The following GALNT11 variants were observed in gnomAD, a reference collection of about 807,000 sequenced individuals.
GALNT11 encodes the protein polypeptide N-acetylgalactosaminyltransferase 11.
A neutral mutation model predicts 72.7 loss-of-function variants in GALNT11; 47 were observed. The observed-to-expected ratio is 0.65, with a 90% CI of 0.51 to 0.82. The LOEUF (loss-of-function observed/expected upper bound fraction) is 0.82. Ranked by LOEUF, GALNT11 falls within the 40% of genes least tolerant of loss-of-function variation. The pLI is 0.00. For missense variants in GALNT11, 677 were observed against 778.4 expected (o/e 0.87, Z 1.55); for synonymous variants, 270 against 286.6 (o/e 0.94, Z 0.58).
rs184916570 is a variant in GALNT11 at position 152,066,085 on chromosome 7, C to T, written c.-38-28105C>T. ...AGGCCTTGAGCTGCGGTGGGCTCCACCCAGTTTGAGCTTCCTGGCTGCTTT... is the reference window on the plus strand; with the variant it reads ...AGGCCTTGAGCTGCGGTGGGCTCCATCCAGTTTGAGCTTCCTGGCTGCTTT... On this transcript the variant is annotated intron_variant, in intron 1 of 11. Coordinates refer to ENST00000430044, the MANE Select transcript of GALNT11 (RefSeq NM_022087.4). Among the ~76,000 whole-genome samples the T allele has an allele frequency of 6.7e-3, 1,015 of 152,356 alleles. 8 individuals are homozygous for T. The highest frequency in any genetic ancestry group is 0.011 in the Admixed American group (161 of 15,308).
chr7:152,115,724 A>G (rs2088772467), intron 8 of GALNT11, among the ~76,000 whole-genome samples: 1 of 152,248 alleles, frequency 6.6e-6, no homozygotes, highest in South Asian at 2.1e-4. Context: ...TGAAAAACTT[A>G]CATTTACCGC....
intron 1 of GALNT11, among the ~76,000 whole-genome samples, chr7:152,029,517 G>C (rs1409582396): frequency 5.9e-5 from 9 of 152,136 alleles, no homozygotes; most frequent in South Asian, 2.1e-4. Flanking sequence ...CTTTACTTTT[G>C]TTGAAAACCT....
At chr7:152,040,198 G>A (rs748389678) in intron 1 of GALNT11, among the ~76,000 whole-genome samples, 33 of 151,666 alleles carry the variant, frequency 2.2e-4, no homozygotes, top group Non-Finnish European at 3.1e-4. Flanking sequence ...AAGAGGTGAC[G>A]TTTAACACAA....
At position 152,094,617 on chromosome 7, in the gene GALNT11, A is replaced by AT; in HGVS notation, c.295+101dup. 2.2e-6 allele frequency: 3 copies of AT among 1,360,320 alleles called. No homozygotes were observed. Among genetic ancestry groups the AT allele is most frequent in the East Asian group, 2.4e-5 (1 of 41,360 alleles). 84.3% of individuals were successfully genotyped at this position (1,360,320 alleles called of 1,614,324 possible). On this transcript the variant is annotated intron_variant, in intron 2 of 11. Transcript: ENST00000430044. This position sits in a 1 kb window ranked among gnomAD's most constrained non-coding sequence, Gnocchi z 4.3. ...ATTAGGAGATCAGAAATGCTGCATCATTTTTTCCCCACTGATTTATTTTGT... is the reference window on the plus strand; with the variant it reads ...ATTAGGAGATCAGAAATGCTGCATCATTTTTTTCCCCACTGATTTATTTTGT...
chr7:152,044,181 A>AT (rs1320360255), intron 1 of GALNT11, among the ~76,000 whole-genome samples: 2 of 152,168 alleles, frequency 1.3e-5, no homozygotes, highest in African/African-American at 4.8e-5. Context: ...ATGAACAGAG[A>AT]TTTACCCACA....
At chr7:152,060,112 T>C (rs1367249988) in intron 1 of GALNT11, among the ~76,000 whole-genome samples, 1 of 152,228 alleles carries the variant, frequency 6.6e-6, no homozygotes, top group Non-Finnish European at 1.5e-5. Context: ...TTTTATGTTG[T>C]GGAGATGATA....
chr7:152,112,085 GCGA>G (rs1472389798), intron 7 of GALNT11, among the ~76,000 whole-genome samples: 2 of 135,434 alleles, frequency 1.5e-5, no homozygotes, highest in East Asian at 5.2e-4. Flanking sequence ...CAGAAAGAGG[GCGA>G]GGGGAGAGCT....
intron 8 of GALNT11, 61 bp from the exon 9 acceptor site, chr7:152,117,096 G>A (rs2088942082): frequency 7.1e-7 from 1 of 1,418,166 alleles, no homozygotes; most frequent in East Asian, 2.3e-5. Flanking sequence ...TCTCTATATA[G>A]TTGTATCATC....
rs551565126 is a variant in GALNT11 at position 152,054,876 on chromosome 7, G to A, written c.-39+28992G>A. ...TGCTATTGGAAAGGATGCTGTGTTT[G>A]TTAGGGTTCTCCAGAGAAACAGAAC... On this transcript the variant is annotated intron_variant, in intron 1 of 11. Coordinates refer to ENST00000430044, the MANE Select transcript of GALNT11 (RefSeq NM_022087.4). Among the ~76,000 whole-genome samples the A allele has an allele frequency of 1.6e-3, 247 of 152,246 alleles. 1 individual carries two copies. Among genetic ancestry groups the A allele is most frequent in the African/African-American group, 5.8e-3 (242 of 41,538 alleles).
At chr7:152,090,714 C>T (rs1295076778) in intron 1 of GALNT11, among the ~76,000 whole-genome samples, 1 of 132,552 alleles carries the variant, frequency 7.5e-6, no homozygotes, top group African/African-American at 2.8e-5. Context: ...ATTCAGTTTA[C>T]GTCTTGACAC....
chr7:152,089,525 G>A lies in GALNT11; in HGVS notation c.-38-4665G>A, dbSNP rs907367361. Among the ~76,000 whole-genome samples, 8 of 152,160 alleles carry A rather than the reference G, an allele frequency of 5.3e-5. No homozygotes were observed. In the East Asian group the frequency reaches 5.8e-4, roughly 11 times the overall value. ...TCTCCATTGGCTGGAGCCAGACCGC[G>A]CAATCTAAACTAAAACCCGATTGGC... On this transcript the variant is annotated intron_variant, in intron 1 of 11. Coordinates refer to ENST00000430044, the MANE Select transcript of GALNT11 (RefSeq NM_022087.4).
At position 152,122,215 on chromosome 7, in the gene GALNT11, A is replaced by T. The variant is rs1401481164; in HGVS notation, c.*538A>T. On this transcript the variant is annotated 3_prime_UTR_variant, in exon 12 of 12. Coordinates refer to ENST00000430044, the MANE Select transcript of GALNT11 (RefSeq NM_022087.4). ...TAGTATGTTGTAAGTAGATCATTTT[A>T]AAAAACTGAATCTATATTATGTTTA... 3 of 152,208 alleles carry T rather than the reference A, an allele frequency of 2.0e-5. No individual in the cohort carries two copies. Among genetic ancestry groups the T allele is most frequent in the African/African-American group, 4.8e-5 (2 of 41,440 alleles). 9.4% of individuals were successfully genotyped at this position (152,208 alleles called of 1,614,324 possible). A position where few individuals can be genotyped will look rare whatever the true frequency, so the allele number is the denominator to read the frequency against.
At chr7:152,076,762 C>G (rs1323651270) in intron 1 of GALNT11, among the ~76,000 whole-genome samples, 1 of 152,204 alleles carries the variant, frequency 6.6e-6, no homozygotes, top group Non-Finnish European at 1.5e-5. Context: ...GACCTGCAAA[C>G]AACAGTAACT....
rs2088523685 is a variant in GALNT11 at position 152,113,731 on chromosome 7, T to C, written c.1233+333T>C. Among the ~76,000 whole-genome samples, 4 of 27,488 alleles carry C rather than the reference T, an allele frequency of 1.5e-4. No individual in the cohort carries two copies. The East Asian group carries it at 8.3e-3, about 57-fold the overall frequency. 18.0% of individuals were successfully genotyped at this position (27,488 alleles called of 152,430 possible). Reference sequence around the variant, plus strand: ...GGCTTTCTTTTTTTTTTTTTTTTTTTTTTTTTTTTTTTTTTTTTTTTTTGA... The same window carrying C: ...GGCTTTCTTTTTTTTTTTTTTTTTTCTTTTTTTTTTTTTTTTTTTTTTTGA... On this transcript the variant is annotated intron_variant, in intron 8 of 11. Transcript: ENST00000430044.
At chr7:152,030,282 G>C (rs2082245321) in intron 1 of GALNT11, among the ~76,000 whole-genome samples, 1 of 152,116 alleles carries the variant, frequency 6.6e-6, no homozygotes, top group Admixed American at 6.5e-5. Flanking sequence ...GTTACCACTA[G>C]ACCAAGGAGC....
At chr7:152,121,277 A>G (rs1324476648) in intron 11 of GALNT11, among the ~76,000 whole-genome samples, 1 of 152,252 alleles carries the variant, frequency 6.6e-6, no homozygotes, top group Non-Finnish European at 1.5e-5. Context: ...AGCACTGAGA[A>G]GGCGGAGGTG....
At chr7:152,106,610 G>C (rs1240117378) in intron 5 of GALNT11, among the ~76,000 whole-genome samples, 1 of 152,100 alleles carries the variant, frequency 6.6e-6, no homozygotes, top group African/African-American at 2.4e-5. Flanking sequence ...GAAAATCCTG[G>C]GGTATTTTCA....
intron 1 of GALNT11, among the ~76,000 whole-genome samples, chr7:152,035,914 GT>G (rs2082551580): frequency 6.6e-6 from 1 of 152,172 alleles, no homozygotes. Context: ...TGGCTGCTGC[GT>G]AGTGCCCGCT....
chr7:152,073,045 T>A (rs2084751479), intron 1 of GALNT11, among the ~76,000 whole-genome samples: 1 of 152,224 alleles, frequency 6.6e-6, no homozygotes, highest in African/African-American at 2.4e-5. Flanking sequence ...TAATTGTGTA[T>A]ATTTATGGGG....
Sources: gnomAD v4.1 joint callset for allele counts (sites outside exome capture counted in the v4.1 genomes callset) on GRCh38, gnomAD v4.1.1 for gene constraint, Gnocchi (gnomAD v3.1) non-coding constraint, MANE v1.5 for transcripts, NCBI Gene and HGNC (gene_info 2026-07-23, HGNC 2026-07-21) for gene names.